Variants in PIK3R4 observed in about 807,000 individuals in gnomAD.
The protein encoded by PIK3R4 is phosphoinositide-3-kinase regulatory subunit 4.
Under a neutral mutation model 136.5 loss-of-function variants are expected in PIK3R4, and 46 were observed. The ratio of observed to expected loss-of-function variants is 0.34; its 90% confidence interval spans 0.27 to 0.43. The LOEUF (loss-of-function observed/expected upper bound fraction) is 0.43. Ranked by LOEUF, PIK3R4 falls within the 20% of genes least tolerant of loss-of-function variation. The probability of loss-of-function intolerance (pLI) is 1.00; values close to 1 mark genes in which losing one functional copy is unlikely to be tolerated. For missense variants in PIK3R4, 1,331 were observed against 1,649.5 expected, an observed-to-expected ratio of 0.81 and a Z score of 3.35; for synonymous variants, 557 against 566.7, an observed-to-expected ratio of 0.98 and a Z score of 0.24.
intron 19 of PIK3R4, among the ~76,000 whole-genome samples, chr3:130,680,148 T>G (rs1457126295): frequency 6.6e-6 from 1 of 151,266 alleles, no homozygotes; most frequent in African/African-American, 2.4e-5. Context: ...AGCTCATTAA[T>G]ATTTGTCATG....
rs1377659483 is a variant in PIK3R4, at chr3:130,735,932, T to G, written c.804A>C (p.Arg268Ser). 6.2e-7 allele frequency: 1 copy of G among 1,612,850 alleles called. No individual in the cohort carries two copies. Among genetic ancestry groups the G allele is most frequent in the Middle Eastern group, 1.6e-4 (1 of 6,080 alleles). ...LFDLSQLLAY[R>S]NGHFFPEQVL... ...CTTGTTCAGGGAAAAAATGTCCATT[T>G]CTATAAGCCAAAAGTTGAGAGAGAT... Residue 268 changes from arginine to serine, a missense_variant, in exon 3 of 20, where the codon AGA (arginine) becomes AGC (serine). By Grantham distance (110) the Arg-to-Ser change is moderately radical. Around this residue, in one of 2 missense-constraint regions of PIK3R4, gnomAD observed 1,180 missense variants for 1,407.0 expected, o/e 0.84. Coordinates refer to ENST00000356763, the MANE Select transcript of PIK3R4 (RefSeq NM_014602.3).
At chr3:130,724,647 C>G (rs955949155) in intron 6 of PIK3R4, among the ~76,000 whole-genome samples, 1 of 151,942 alleles carries the variant, frequency 6.6e-6, no homozygotes, top group Non-Finnish European at 1.5e-5. Flanking sequence ...AGAAAAGGGG[C>G]ACTAATCTTG....
In PIK3R4 at chr3:130,734,112, G is replaced by A. The variant is rs745365171; in HGVS notation, c.886C>T (p.Arg296Cys). The A allele has an allele frequency of 5.5e-5, 89 of 1,612,154 alleles. No individual in the cohort carries two copies. The East Asian group carries it at 1.8e-3, about 32-fold the overall frequency. ...GCCTCTAAACGTTTATCTGGCTCAC[G>A]GTGAATCATCTGAGTTACCTATACC... is the stretch of plus-strand genomic sequence containing the variant. ...IRELVTQMIHREPDKRLEAED... is the reference protein window; with the variant it reads ...IRELVTQMIHCEPDKRLEAED... Residue 296 changes from arginine (R) to cysteine (C), a missense_variant, in exon 4 of 20, where the codon CGT becomes TGT. Around this residue, in one of 2 missense-constraint regions of PIK3R4, gnomAD observed 1,180 missense variants for 1,407.0 expected, o/e 0.84. Coordinates refer to ENST00000356763, the MANE Select transcript of PIK3R4 (RefSeq NM_014602.3).
intron 2 of PIK3R4, among the ~76,000 whole-genome samples, chr3:130,740,557 G>A (rs967041174): frequency 6.6e-6 from 1 of 151,966 alleles, no homozygotes. Context: ...GGCCAACATG[G>A]AGAAACCCTG....
chr3:130,684,100 G>A lies in PIK3R4; in HGVS notation c.3607+150C>T, dbSNP rs185127480. On this transcript the variant is annotated intron_variant, in intron 16 of 19. Transcript: ENST00000356763. Reference sequence around the variant, plus strand: ...ATTTTTGAACATAGATGACAGTGAGGTATCAATAGTGGCAACCTCCATAAT... The same window carrying A: ...ATTTTTGAACATAGATGACAGTGAGATATCAATAGTGGCAACCTCCATAAT... 14 of 632,028 alleles carry A rather than the reference G, an allele frequency of 2.2e-5. No individual in the cohort carries two copies. The East Asian group carries it at 3.7e-4, about 17-fold the overall frequency. The allele number at this position is 632,028 out of a possible 1,614,324, so 39.2% of individuals were successfully genotyped here.
rs1221257182 is a variant in PIK3R4 at position 130,686,249 on chromosome 3, G to C, written c.3437C>G (p.Ser1146Cys). The change falls in exon 15 of 20, where the codon TCC becomes TGC. Residue 1146 changes from serine (S) to cysteine (C), a missense_variant. Coordinates refer to ENST00000356763, the MANE Select transcript of PIK3R4 (RefSeq NM_014602.3). Reference sequence around the variant, plus strand: ...GCATTGGTGGATGTCCACAGCAAAGGAAGTGATGAGGCCCGACTTTAAATC... The same window carrying C: ...GCATTGGTGGATGTCCACAGCAAAGCAAGTGATGAGGCCCGACTTTAAATC... The part of the protein sequence containing the change: ...KHDLKSGLIT[S>C]FAVDIHQCWL... 1 of 1,613,304 alleles carries C rather than the reference G, an allele frequency of 6.2e-7. No individual in the cohort carries two copies. The highest frequency in any genetic ancestry group is 1.1e-5 in the South Asian group (1 of 91,062).
At chr3:130,698,876 C>T (rs2066561174) in intron 13 of PIK3R4, among the ~76,000 whole-genome samples, 1 of 152,192 alleles carries the variant, frequency 6.6e-6, no homozygotes, top group African/African-American at 2.4e-5. Context: ...AGTCTCTGTT[C>T]AGTTAGGTAA....
intron 13 of PIK3R4, among the ~76,000 whole-genome samples, chr3:130,691,636 C>T (rs888395545): frequency 3.9e-5 from 6 of 152,042 alleles, no homozygotes; most frequent in African/African-American, 1.4e-4. Context: ...CCCTGAACAC[C>T]GAACACATTC....
chr3:130,712,763 G>T (rs77065206), intron 9 of PIK3R4, among the ~76,000 whole-genome samples: 3,670 of 152,174 alleles, frequency 0.024, 138 homozygotes, highest in East Asian at 0.1. Context: ...AGAAACTCAG[G>T]TAGCACAGGG....
At chr3:130,722,053 T>A (rs1443390921) in intron 7 of PIK3R4, among the ~76,000 whole-genome samples, 1 of 151,842 alleles carries the variant, frequency 6.6e-6, no homozygotes, top group Non-Finnish European at 1.5e-5. Context: ...GAAAAAAAAA[T>A]CACTACAACA....
intron 8 of PIK3R4, among the ~76,000 whole-genome samples, chr3:130,717,231 G>T (rs1288852738): frequency 6.6e-6 from 1 of 151,498 alleles, no homozygotes; most frequent in Non-Finnish European, 1.5e-5. Context: ...TAACTCCTTG[G>T]TGAAGTCAGC....
intron 15 of PIK3R4, 122 bp from the exon 16 acceptor site, chr3:130,684,503 T>TA (rs570202185): frequency 4.5e-5 from 39 of 860,984 alleles, no homozygotes; most frequent in Admixed American, 5.5e-5. Context: ...CTTCGTTACT[T>TA]AAAAAAAAGT....
chr3:130,704,123 T>TG (rs983269020), intron 12 of PIK3R4, among the ~76,000 whole-genome samples: 2 of 152,182 alleles, frequency 1.3e-5, no homozygotes, highest in Non-Finnish European at 2.9e-5. Context: ...AGGCAGCCCC[T>TG]GGGGCCCTTC....
chr3:130,701,463 G>C (rs1326963156), intron 13 of PIK3R4, among the ~76,000 whole-genome samples: 1 of 151,208 alleles, frequency 6.6e-6, no homozygotes, highest in Non-Finnish European at 1.5e-5. Context: ...AGTGAGCCAG[G>C]ATCGTGCCAC....
chr3:130,710,384 A>G (rs2066627202), intron 9 of PIK3R4, among the ~76,000 whole-genome samples: 2 of 152,102 alleles, frequency 1.3e-5, no homozygotes, highest in Admixed American at 6.5e-5. Context: ...AAAATTTAAC[A>G]TTCTTCCAAT....
At chr3:130,689,285 G>C (rs57987297) in intron 14 of PIK3R4, among the ~76,000 whole-genome samples, 2,340 of 152,312 alleles carry the variant, frequency 0.015, 86 homozygotes, top group African/African-American at 0.053. Context: ...ACCGTGCACT[G>C]AATGTGCATG....
chr3:130,720,585 A>G (rs1553729307), intron 7 of PIK3R4, among the ~76,000 whole-genome samples: 1 of 152,184 alleles, frequency 6.6e-6, no homozygotes, highest in Admixed American at 6.5e-5. Context: ...TCACCATCAA[A>G]ACCACCACCA....
Position 130,684,238 on chromosome 3 carries a change from C to A in PIK3R4, c.3607+12G>T. Reference sequence around the variant, plus strand: ...AATCTCCCAACACATGAAAGCCAGCCCTCCATCTTACCTGCAATCACCCAG... The same window carrying A: ...AATCTCCCAACACATGAAAGCCAGCACTCCATCTTACCTGCAATCACCCAG... On this transcript the variant is annotated intron_variant, in intron 16 of 19. Coordinates refer to ENST00000356763, the MANE Select transcript of PIK3R4 (RefSeq NM_014602.3). 6.2e-7 allele frequency: 1 copy of A among 1,609,002 alleles called. No individual in the cohort carries two copies. Among genetic ancestry groups the A allele is most frequent in the South Asian group, 1.1e-5 (1 of 90,682 alleles).
chr3:130,713,951 C>T (rs1422629011), intron 9 of PIK3R4, among the ~76,000 whole-genome samples: 2 of 152,172 alleles, frequency 1.3e-5, no homozygotes, highest in Non-Finnish European at 2.9e-5. Flanking sequence ...AGATTACAGG[C>T]ATGAGCCACC....
Sources: gnomAD v4.1 joint callset for allele counts (sites outside exome capture counted in the v4.1 genomes callset) on GRCh38, gnomAD v4.1.1 for gene constraint, gnomAD v4.1.1 regional missense constraint, MANE v1.5 for transcripts, NCBI Gene and HGNC (gene_info 2026-07-23, HGNC 2026-07-21) for gene names.